The following SLC24A2 variants were observed in gnomAD, a reference collection of about 807,000 sequenced individuals.
SLC24A2 encodes the protein sodium/potassium/calcium exchanger 2.
A neutral mutation model predicts 62.0 loss-of-function variants in SLC24A2; 36 were observed. That is an observed-to-expected ratio of 0.58 (90% CI 0.44 to 0.77). SLC24A2 has a LOEUF of 0.77. Ranked by LOEUF, SLC24A2 falls within the 30% of genes least tolerant of loss-of-function variation. The pLI, the probability that SLC24A2 is intolerant of heterozygous loss-of-function variation, is 0.00. For synonymous variants in SLC24A2, 358 were observed against 294.0 expected (o/e 1.22, Z -2.23); for missense variants, 846 against 817.9 (o/e 1.03, Z -0.42).
chr9:19,844,848 G>A, the SLC24A2 span, among the ~76,000 whole-genome samples: 1 of 151,908 alleles, frequency 6.6e-6, no homozygotes, highest in Non-Finnish European at 1.5e-5. Context: ...TTATTTCTGG[G>A]TTCTCTTTTC....
chr9:19,567,917 G>T (rs182837167), intron 7 of SLC24A2, among the ~76,000 whole-genome samples: 32 of 152,140 alleles, frequency 2.1e-4, no homozygotes, highest in African/African-American at 7.2e-4. Flanking sequence ...CTATTGCCAC[G>T]GTAAAGACTG....
At chr9:19,581,432 A>G (rs985656432) in intron 5 of SLC24A2, among the ~76,000 whole-genome samples, 4 of 152,164 alleles carry the variant, frequency 2.6e-5, no homozygotes, top group African/African-American at 9.7e-5. Context: ...ATGAAGCACC[A>G]GGTTCTTAAC....
At chr9:19,657,503 G>T (rs571356530) in intron 2 of SLC24A2, among the ~76,000 whole-genome samples, 1 of 151,794 alleles carries the variant, frequency 6.6e-6, no homozygotes, top group South Asian at 2.1e-4. Flanking sequence ...TTTAAGCCCC[G>T]CATGCATTAG....
At chr9:19,778,027 C>T (rs1050466833) in intron 2 of SLC24A2, among the ~76,000 whole-genome samples, 6 of 152,198 alleles carry the variant, frequency 3.9e-5, no homozygotes, top group Non-Finnish European at 8.8e-5. Flanking sequence ...TGATGAGAAA[C>T]TTTACTATGA....
chr9:19,555,623 G>T (rs1835051221), intron 7 of SLC24A2, among the ~76,000 whole-genome samples: 1 of 152,318 alleles, frequency 6.6e-6, no homozygotes, highest in Non-Finnish European at 1.5e-5. Context: ...TGGTGTAATA[G>T]AAATTTTAGT....
chr9:20,092,129 A>G, the SLC24A2 span, among the ~76,000 whole-genome samples: 1 of 152,230 alleles, frequency 6.6e-6, no homozygotes, highest in Non-Finnish European at 1.5e-5. Flanking sequence ...ATCAGAAAAA[A>G]ATAACTATTG....
At chr9:20,284,244 TTTTG>T in the SLC24A2 span, among the ~76,000 whole-genome samples, 2 of 152,026 alleles carry the variant, frequency 1.3e-5, no homozygotes, top group Non-Finnish European at 2.9e-5. Context: ...CACATGAAGC[TTTTG>T]TTTGTCTATA....
chr9:20,068,703 T>C, the SLC24A2 span, among the ~76,000 whole-genome samples: 4 of 152,160 alleles, frequency 2.6e-5, no homozygotes, highest in Non-Finnish European at 5.9e-5. Flanking sequence ...GGAAGTGTCA[T>C]GACCCTAAAA....
intron 3 of SLC24A2, 75 bp from the exon 4 acceptor site, chr9:19,619,767 A>C: frequency 3.7e-6 from 4 of 1,088,158 alleles, no homozygotes; most frequent in Non-Finnish European, 5.7e-6. Context: ...ATCCTCACCT[A>C]GTCTGGTGGC....
chr9:20,070,013 A>G, the SLC24A2 span, among the ~76,000 whole-genome samples: 1 of 152,122 alleles, frequency 6.6e-6, no homozygotes, highest in Non-Finnish European at 1.5e-5. Flanking sequence ...CATCAGTATG[A>G]CTTTATTATT....
At chr9:20,231,445 T>C in the SLC24A2 span, among the ~76,000 whole-genome samples, 4 of 152,230 alleles carry the variant, frequency 2.6e-5, no homozygotes, top group Admixed American at 6.5e-5. Context: ...GAAGAGGTCC[T>C]TCACATCCCT....
chr9:19,588,943 A>G (rs1346478621), intron 5 of SLC24A2, among the ~76,000 whole-genome samples: 1 of 152,222 alleles, frequency 6.6e-6, no homozygotes, highest in Admixed American at 6.5e-5. Context: ...CCTGGGTGAC[A>G]GAGTGAGACT....
the SLC24A2 span, among the ~76,000 whole-genome samples, chr9:19,988,482 G>A: frequency 6.6e-6 from 1 of 152,276 alleles, no homozygotes; most frequent in South Asian, 2.1e-4. Flanking sequence ...TCCAATCCAG[G>A]AAGTTTCGAC....
At chr9:20,107,399 C>G in the SLC24A2 span, among the ~76,000 whole-genome samples, 1 of 151,824 alleles carries the variant, frequency 6.6e-6, no homozygotes, top group African/African-American at 2.4e-5. Context: ...CAATCCTAAG[C>G]CAAAAGAACA....
At chr9:20,188,627 T>C in the SLC24A2 span, among the ~76,000 whole-genome samples, 1 of 152,100 alleles carries the variant, frequency 6.6e-6, no homozygotes, top group Non-Finnish European at 1.5e-5. Context: ...GTAGTCACAG[T>C]GGTCCTTACA....
chr9:19,714,170 T>C (rs769282615), intron 2 of SLC24A2, among the ~76,000 whole-genome samples: 4 of 152,244 alleles, frequency 2.6e-5, no homozygotes, highest in Admixed American at 6.5e-5. Flanking sequence ...TTTTTAATAA[T>C]AGAAAATCTG....
Position 19,619,702 on chromosome 9 carries a change from G to C in SLC24A2, c.970-10C>G. On this transcript the variant is annotated splice_polypyrimidine_tract_variant and intron_variant, in intron 3 of 10. Transcript: ENST00000341998. Reference sequence around the variant, plus strand: ...GGAGACGCGGCTTAGCCTGAGCAGAGAAACCAAAGAGATGGTTAGTCTCAG... The same window carrying C: ...GGAGACGCGGCTTAGCCTGAGCAGACAAACCAAAGAGATGGTTAGTCTCAG... 1 of 1,596,988 alleles carries C rather than the reference G, an allele frequency of 6.3e-7. No individual in the cohort carries two copies. The highest frequency in any genetic ancestry group is 8.6e-7 in the Non-Finnish European group (1 of 1,164,500).
chr9:19,906,294 A>C, the SLC24A2 span, among the ~76,000 whole-genome samples: 2 of 151,090 alleles, frequency 1.3e-5, no homozygotes, highest in Non-Finnish European at 3.0e-5. Context: ...ACAAAGACAC[A>C]ACATACCAGA....
At chr9:20,250,348 C>T in the SLC24A2 span, among the ~76,000 whole-genome samples, 4 of 152,152 alleles carry the variant, frequency 2.6e-5, no homozygotes, top group Middle Eastern at 3.2e-3. Flanking sequence ...AGTGGGTGAC[C>T]TTTAGACTGC....
Sources: gnomAD v4.1 joint callset for allele counts (sites outside exome capture counted in the v4.1 genomes callset) on GRCh38, gnomAD v4.1.1 for gene constraint, MANE v1.5 for transcripts, NCBI Gene and HGNC (gene_info 2026-07-23, HGNC 2026-07-21) for gene names.